The following SLC25A26 variants were observed in gnomAD, a reference collection of about 807,000 sequenced individuals.
The protein encoded by SLC25A26 is solute carrier family 25 member 26, also known as mitochondrial S-adenosylmethionine carrier protein.
Under a neutral mutation model 37.8 loss-of-function variants are expected in SLC25A26, and 36 were observed. The ratio of observed to expected loss-of-function variants is 0.95; its 90% CI spans 0.73 to 1.26. The LOEUF (loss-of-function observed/expected upper bound fraction) is 1.26. Ranked by LOEUF, SLC25A26 falls within the 50% of genes most tolerant of loss-of-function variation. SLC25A26 has a pLI of 0.00. For synonymous variants in SLC25A26, 129 were observed against 122.5 expected, an observed-to-expected ratio of 1.05 and a Z score of -0.35; for missense variants, 390 against 331.1, an observed-to-expected ratio of 1.18 and a Z score of -1.38.
At chr3:66,151,775 C>T (rs2070213155) in intron 1 of SLC25A26, among the ~76,000 whole-genome samples, 1 of 152,136 alleles carries the variant, frequency 6.6e-6, no homozygotes, top group Admixed American at 6.6e-5. Context: ...ATGTACCTCT[C>T]CAGTGTAGTA....
At chr3:66,280,511 G>C (rs2074300672) in intron 5 of SLC25A26, among the ~76,000 whole-genome samples, 1 of 152,130 alleles carries the variant, frequency 6.6e-6, no homozygotes, top group Admixed American at 6.5e-5. Context: ...GGTGTAACTT[G>C]ATCTACATAA....
chr3:66,184,424 G>T (rs1468378097), intron 1 of SLC25A26, among the ~76,000 whole-genome samples: 3 of 151,838 alleles, frequency 2.0e-5, no homozygotes, highest in Non-Finnish European at 4.4e-5. Flanking sequence ...CCCTGAACCT[G>T]ACCCAAATTC....
chr3:66,284,812 C>G lies in SLC25A26; in HGVS notation c.453+21433C>G, dbSNP rs147014903. On this transcript the variant is annotated intron_variant, in intron 5 of 9. Coordinates refer to ENST00000354883, the MANE Select transcript of SLC25A26 (RefSeq NM_001379210.1). ...TCCATCTATTGAGATATCAAGAAAA[C>G]ACGGCGAAAGGTTAATAATATTTGG... Among the ~76,000 whole-genome samples the G allele has an allele frequency of 2.5e-3, 382 of 152,218 alleles. 1 individual carries two copies. Among genetic ancestry groups the G allele is most frequent in the African/African-American group, 8.5e-3 (352 of 41,534 alleles).
chr3:66,219,238 GA>G (rs1403533045), upstream of SLC25A26, among the ~76,000 whole-genome samples: 1 of 152,158 alleles, frequency 6.6e-6, no homozygotes, highest in Admixed American at 6.6e-5. Context: ...ATAGGAATGT[GA>G]AGTAGGCAGG....
At position 66,378,575 on chromosome 3, in the gene SLC25A26, T is replaced by C. The variant is rs1199639880; in HGVS notation, c.*768T>C. On this transcript the variant is annotated 3_prime_UTR_variant, in exon 10 of 10. Coordinates refer to ENST00000354883, the MANE Select transcript of SLC25A26 (RefSeq NM_001379210.1). ...CTGGGCCAGCTTTGAAAAGGCAGGA[T>C]GAAATGGAAAGGTCACCACACTTAG... 6.6e-6 allele frequency: 1 copy of C among 152,490 alleles called. No homozygotes were observed. The highest frequency in any genetic ancestry group is 1.5e-5 in the Non-Finnish European group (1 of 68,048). 9.4% of individuals were successfully genotyped at this position (152,490 alleles called of 1,614,324 possible).
At chr3:66,280,494 C>T (rs960239146) in intron 5 of SLC25A26, among the ~76,000 whole-genome samples, 2 of 152,226 alleles carry the variant, frequency 1.3e-5, no homozygotes, top group Non-Finnish European at 2.9e-5. Context: ...GAAAGCTGAC[C>T]TTTGGTGGTG....
chr3:66,323,495 A>G (rs552015147), intron 5 of SLC25A26, among the ~76,000 whole-genome samples: 86 of 152,286 alleles, frequency 5.6e-4, no homozygotes, highest in African/African-American at 1.9e-3. Flanking sequence ...GTTTTATATT[A>G]CTCAGCCTCA....
intron 5 of SLC25A26, among the ~76,000 whole-genome samples, chr3:66,286,619 A>G (rs754880830): frequency 6.6e-6 from 1 of 152,112 alleles, no homozygotes; most frequent in Non-Finnish European, 1.5e-5. Flanking sequence ...ATATTTTTGA[A>G]TATCCCAGTC....
chr3:66,225,980 A>G (rs557018780), intron 1 of SLC25A26, among the ~76,000 whole-genome samples: 7 of 152,182 alleles, frequency 4.6e-5, no homozygotes, highest in South Asian at 2.1e-4. Context: ...AAACTTTCCC[A>G]CATCTTCCTG....
At chr3:66,315,002 ATTCTT>A (rs1347038901) in intron 5 of SLC25A26, among the ~76,000 whole-genome samples, 1 of 146,658 alleles carries the variant, frequency 6.8e-6, no homozygotes, top group African/African-American at 2.5e-5. Context: ...TGTCTATTTG[ATTCTT>A]TTCTTCTTTA....
intron 9 of SLC25A26, among the ~76,000 whole-genome samples, chr3:66,375,529 A>G (rs332376): frequency 0.73 from 110,915 of 152,026 alleles, 41,104 homozygotes; most frequent in African/African-American, 0.86. Context: ...GTTGAAGCCA[A>G]TGCTCATTGA....
intron 5 of SLC25A26, among the ~76,000 whole-genome samples, chr3:66,295,346 C>A (rs1280273366): frequency 6.6e-6 from 1 of 151,928 alleles, no homozygotes; most frequent in African/African-American, 2.4e-5. Context: ...GCCTCAGCCT[C>A]CTGAGTAGCT....
chr3:66,259,230 T>G (rs996290652), intron 3 of SLC25A26, among the ~76,000 whole-genome samples: 1 of 152,188 alleles, frequency 6.6e-6, no homozygotes, highest in African/African-American at 2.4e-5. Context: ...TCTTTAGAAA[T>G]TTATGTTCCC....
At chr3:66,147,531 C>T (rs66723183) in intron 1 of SLC25A26, among the ~76,000 whole-genome samples, 71,656 of 151,692 alleles carry the variant, frequency 0.47, 17,558 homozygotes, top group African/African-American at 0.59. Flanking sequence ...CACTTGTGGA[C>T]TGTGCGGCTA....
At chr3:66,296,415 C>A (rs2074904986) in intron 5 of SLC25A26, among the ~76,000 whole-genome samples, 1 of 152,136 alleles carries the variant, frequency 6.6e-6, no homozygotes, top group South Asian at 2.1e-4. Flanking sequence ...GATATACATG[C>A]ATTTGCTTTA....
At chr3:66,373,805 C>G (rs755697117) in intron 9 of SLC25A26, among the ~76,000 whole-genome samples, 5 of 151,820 alleles carry the variant, frequency 3.3e-5, no homozygotes, top group Non-Finnish European at 5.9e-5. Context: ...AGCTAGCTAA[C>G]TAAAAAGGGC....
At chr3:66,281,062 A>T (rs1057234514) in intron 5 of SLC25A26, among the ~76,000 whole-genome samples, 1 of 152,172 alleles carries the variant, frequency 6.6e-6, no homozygotes, top group East Asian at 1.9e-4. Context: ...AGGGTCCCCA[A>T]CCTTTTTTAT....
At chr3:66,202,612 G>A (rs904408289) in intron 1 of SLC25A26, among the ~76,000 whole-genome samples, 9 of 151,222 alleles carry the variant, frequency 6.0e-5, no homozygotes, top group Admixed American at 2.6e-4. Context: ...AGCTTGCTTC[G>A]TTGTAAGAAT....
intron 1 of SLC25A26, among the ~76,000 whole-genome samples, chr3:66,142,475 G>T (rs1366095084): frequency 6.6e-6 from 1 of 152,106 alleles, no homozygotes; most frequent in Non-Finnish European, 1.5e-5. Flanking sequence ...TCCTGAAGTA[G>T]GGCATAAGGC....
Sources: gnomAD v4.1 joint callset for allele counts (sites outside exome capture counted in the v4.1 genomes callset) on GRCh38, gnomAD v4.1.1 for gene constraint, MANE v1.5 for transcripts, NCBI Gene and HGNC (gene_info 2026-07-23, HGNC 2026-07-21) for gene names.